MAGI2: variants seen among roughly 807,000 people sequenced by gnomAD.
MAGI2 encodes the protein membrane-associated guanylate kinase, WW and PDZ domain-containing protein 2.
A neutral mutation model predicts 133.3 loss-of-function variants in MAGI2; 35 were observed. The ratio of observed to expected loss-of-function variants is 0.26; its 90% CI spans 0.20 to 0.35. The LOEUF is 0.35. Ranked by LOEUF, MAGI2 falls within the 10% of genes least tolerant of loss-of-function variation. MAGI2 has a pLI of 1.00. For synonymous variants in MAGI2, 729 were observed against 710.6 expected (o/e 1.03, Z -0.41); for missense variants, 1,636 against 1,863.4 (o/e 0.88, Z 2.25).
intron 6 of MAGI2, among the ~76,000 whole-genome samples, chr7:78,445,770 G>GT (rs1788071374): frequency 6.6e-6 from 1 of 151,798 alleles, no homozygotes; most frequent in African/African-American, 2.4e-5. Context: ...TTTCAGGACA[G>GT]TTTTCTATTT....
chr7:78,651,877 G>A (rs1811613018), intron 2 of MAGI2, among the ~76,000 whole-genome samples: 2 of 151,972 alleles, frequency 1.3e-5, no homozygotes, highest in Admixed American at 1.3e-4. Context: ...AAAGACCTCA[G>A]AAGCTAAAAG....
chr7:78,460,870 T>G (rs1018165788), intron 6 of MAGI2, among the ~76,000 whole-genome samples: 3 of 152,166 alleles, frequency 2.0e-5, no homozygotes, highest in African/African-American at 7.2e-5. Flanking sequence ...TCTTATTCAC[T>G]GGCTTTGGGT....
At chr7:79,136,032 A>AGAAAGAAAGAAAGAAAGAAG in intron 1 of MAGI2, among the ~76,000 whole-genome samples, 8 of 136,100 alleles carry the variant, frequency 5.9e-5, no homozygotes, top group Admixed American at 1.5e-4. Context: ...AAAGAAGGAA[A>AGAAAGAAAGAAAGAAAGAAG]GAAAGAAAGA....
At chr7:78,229,656 T>C (rs1789758042) in intron 10 of MAGI2, among the ~76,000 whole-genome samples, 1 of 152,184 alleles carries the variant, frequency 6.6e-6, no homozygotes, top group Non-Finnish European at 1.5e-5. Context: ...ATAGGCTGTT[T>C]TGGCCTTTTA....
chr7:78,440,340 T>C (rs751100233), intron 6 of MAGI2, among the ~76,000 whole-genome samples: 4 of 152,256 alleles, frequency 2.6e-5, no homozygotes, highest in Non-Finnish European at 4.4e-5. Flanking sequence ...AAGTGTGCTG[T>C]AGAATTTGAA....
chr7:78,477,437 G>A (rs376423008), intron 6 of MAGI2, among the ~76,000 whole-genome samples: 2 of 151,882 alleles, frequency 1.3e-5, no homozygotes, highest in African/African-American at 2.4e-5. Context: ...CTGTTCTCAC[G>A]CTGCTAATAA....
At chr7:79,236,240 A>G (rs1157883406) in intron 1 of MAGI2, among the ~76,000 whole-genome samples, 3 of 152,216 alleles carry the variant, frequency 2.0e-5, no homozygotes, top group African/African-American at 7.2e-5. Flanking sequence ...AGGTTATCTG[A>G]GAGAATTAAT....
intron 3 of MAGI2, among the ~76,000 whole-genome samples, chr7:78,612,412 A>T (rs1222770021): frequency 6.6e-6 from 1 of 152,160 alleles, no homozygotes; most frequent in Admixed American, 6.5e-5. Flanking sequence ...TAACCAGCTA[A>T]CATGAGAATG....
At chr7:78,370,674 C>T (rs1336794658) in intron 6 of MAGI2, among the ~76,000 whole-genome samples, 1 of 151,728 alleles carries the variant, frequency 6.6e-6, no homozygotes, top group Non-Finnish European at 1.5e-5. Context: ...TTCTCTGTAC[C>T]ATCAAATTAA....
intron 6 of MAGI2, among the ~76,000 whole-genome samples, chr7:78,418,133 G>A (rs528729991): frequency 2.6e-5 from 4 of 152,238 alleles, no homozygotes; most frequent in East Asian, 1.9e-4. Context: ...CAGTCTGGGC[G>A]ACAGAGTGAG....
chr7:78,855,805 T>G (rs951386987), intron 2 of MAGI2, among the ~76,000 whole-genome samples: 1 of 152,202 alleles, frequency 6.6e-6, no homozygotes, highest in Non-Finnish European at 1.5e-5. Flanking sequence ...GTATTTCTAG[T>G]TCTAGATCCT....
In MAGI2 at chr7:78,417,443, C is replaced by G. The variant is rs115043548; in HGVS notation, c.1046-48230G>C. On this transcript the variant is annotated intron_variant, in intron 6 of 21. Coordinates refer to ENST00000354212, the MANE Select transcript of MAGI2 (RefSeq NM_012301.4). ...CCTGAGCTGCCTTTATCCCTGTCAC[C>G]AAAAGTTTATCAATCACTCCCTCGT... Among the ~76,000 whole-genome samples, 1,226 of 152,148 alleles carry G rather than the reference C, an allele frequency of 8.1e-3. 21 individuals carry two copies. The highest frequency in any genetic ancestry group is 0.028 in the African/African-American group (1,160 of 41,528).
At chr7:79,270,901 A>T (rs142532098) in intron 1 of MAGI2, among the ~76,000 whole-genome samples, 1 of 151,978 alleles carries the variant, frequency 6.6e-6, no homozygotes, top group Admixed American at 6.6e-5. Flanking sequence ...GACACTACCA[A>T]TTTACCACTG....
chr7:78,607,914 A>G (rs1217036050), intron 3 of MAGI2, among the ~76,000 whole-genome samples: 1 of 152,098 alleles, frequency 6.6e-6, no homozygotes, highest in East Asian at 1.9e-4. Flanking sequence ...TGACCTGGTC[A>G]CTTCAAGCTT....
chr7:78,939,752 C>T (rs767400756), intron 2 of MAGI2: 6 of 152,122 alleles, frequency 3.9e-5, no homozygotes, highest in Non-Finnish European at 7.4e-5. Context: ...CAATAATAAA[C>T]AGTATCATGT....
chr7:78,381,153 C>A (rs535475725), intron 6 of MAGI2, among the ~76,000 whole-genome samples: 2 of 152,242 alleles, frequency 1.3e-5, no homozygotes, highest in East Asian at 1.9e-4. Context: ...TTGAGACCAG[C>A]CTGGCCAACA....
At chr7:78,773,839 C>A (rs1583831865) in intron 2 of MAGI2, among the ~76,000 whole-genome samples, 1 of 152,138 alleles carries the variant, frequency 6.6e-6, no homozygotes, top group Admixed American at 6.5e-5. Context: ...GATGTAATGG[C>A]AAGTTATTTA....
chr7:78,579,838 C>T (rs1231104227), intron 3 of MAGI2, among the ~76,000 whole-genome samples: 5 of 151,968 alleles, frequency 3.3e-5, no homozygotes, highest in African/African-American at 4.8e-5. Context: ...AACTAAGAAC[C>T]GATGGGGGTT....
chr7:78,482,363 G>C (rs190730171), intron 6 of MAGI2, among the ~76,000 whole-genome samples: 2 of 151,954 alleles, frequency 1.3e-5, no homozygotes, highest in African/African-American at 4.8e-5. Flanking sequence ...AAACTGAAAC[G>C]CACTTAGTAT....
Sources: allele counts gnomAD v4.1 joint callset (sites outside exome capture counted in the v4.1 genomes callset), GRCh38; gene constraint gnomAD v4.1.1; transcripts MANE v1.5; gene names NCBI Gene and HGNC (gene_info 2026-07-23, HGNC 2026-07-21).